NXPH4: variants seen among roughly 807,000 people sequenced by gnomAD.
NXPH4 encodes neurexophilin-4.
A neutral mutation model predicts 21.3 loss-of-function variants in NXPH4; 8 were observed. The ratio of observed to expected loss-of-function variants is 0.38; its 90% CI spans 0.22 to 0.68. NXPH4 has a LOEUF of 0.68. Among genes scored for constraint, NXPH4 ranks in the 30% least tolerant of loss-of-function variants. The pLI is 0.53. For missense variants in NXPH4, 418 were observed against 416.8 expected, an observed-to-expected ratio of 1.00 and a Z score of -0.03; for synonymous variants, 219 against 192.6, an observed-to-expected ratio of 1.14 and a Z score of -1.13.
At chr12:57,221,384 C>T (rs931189002) in intron 1 of NXPH4, 2 of 455,700 alleles carry the variant, frequency 4.4e-6, no homozygotes, top group East Asian at 6.9e-5. Context: ...GGAAAAGCAA[C>T]GGGCCAGCCT....
rs1336834943 is a variant in NXPH4, at chr12:57,225,492, G to A, written c.672G>A (p.Gly224=). 1 of 1,607,614 alleles carries A rather than the reference G, an allele frequency of 6.2e-7. No individual in the cohort carries two copies. The highest frequency in any genetic ancestry group is 1.1e-5 in the South Asian group (1 of 90,822). The change falls in exon 2 of 2, where the codon GGG becomes GGA. Residue 224 remains glycine, a synonymous_variant. Transcript: ENST00000349394. ...TTGGGGGCGCGTTGGGAGTGCCTGG[G>A]GCCAAAGAGTCACGCGCTTTCAATT... is the stretch of plus-strand genomic sequence containing the variant. The part of the protein sequence containing the change: ...GPLGGALGVP[G]AKESRAFNCH...
Position 57,225,605 on chromosome 12 carries a change from C to G in NXPH4, c.785C>G (p.Thr262Arg), listed in dbSNP as rs1465034883. ...DPSQVCFTEHTQSQAAWLCAK... is the reference protein window; with the variant it reads ...DPSQVCFTEHRQSQAAWLCAK... The stretch of plus-strand genomic sequence containing the variant: ...TCGCAGGTGTGCTTCACCGAGCACA[C>G]GCAGAGCCAGGCCGCCTGGCTCTGT... The change falls in exon 2 of 2, where the codon ACG becomes AGG. Residue 262 changes from threonine (T) to arginine (R), a missense_variant. Transcript: ENST00000349394. The G allele has an allele frequency of 1.9e-6, 3 of 1,613,440 alleles. No individual in the cohort carries two copies. The highest frequency in any genetic ancestry group is 2.5e-6 in the Non-Finnish European group (3 of 1,180,002).
chr12:57,218,609 G>A (rs1278554364), intron 1 of NXPH4, among the ~76,000 whole-genome samples: 1 of 152,226 alleles, frequency 6.6e-6, no homozygotes, highest in African/African-American at 2.4e-5. Context: ...TGAAACATCT[G>A]GTGGAGACTT....
chr12:57,220,975 A>G (rs541171545), intron 1 of NXPH4, among the ~76,000 whole-genome samples: 2 of 146,600 alleles, frequency 1.4e-5, no homozygotes, highest in East Asian at 2.0e-4. Flanking sequence ...TCTGTAGCCC[A>G]TCTTCATTTC....
At chr12:57,220,330 C>A (rs1666925985) in intron 1 of NXPH4, among the ~76,000 whole-genome samples, 1 of 152,244 alleles carries the variant, frequency 6.6e-6, no homozygotes, top group Non-Finnish European at 1.5e-5. Context: ...CTCCCCCCAA[C>A]CCCCACCGCG....
In NXPH4 at chr12:57,216,947, G is replaced by T. The variant is rs747216888; in HGVS notation, c.-23G>T. On this transcript the variant is annotated 5_prime_UTR_variant, in exon 1 of 2. Coordinates refer to ENST00000349394, the MANE Select transcript of NXPH4 (RefSeq NM_007224.4). The surrounding 1 kb of genome is among the most constrained non-coding windows in gnomAD (Gnocchi z 5.3). ...CGCCTGCCCGAGACCCGCCCAGCCT[G>T]CCCCGCTCAGCCGCCAGAGAAGATG... The T allele has an allele frequency of 2.5e-6, 4 of 1,574,524 alleles. No homozygotes were observed. In the Admixed American group the frequency reaches 7.1e-5, roughly 28 times the overall value.
chr12:57,222,990 G>A (rs2037106517), intron 1 of NXPH4, among the ~76,000 whole-genome samples: 2 of 152,162 alleles, frequency 1.3e-5, no homozygotes, highest in African/African-American at 4.8e-5. Context: ...GTGACACTGT[G>A]TGTGTACACA....
rs751232851 is a variant in NXPH4, at chr12:57,225,459, G to A, written c.639G>A (p.Ala213=). 6.3e-7 allele frequency: 1 copy of A among 1,598,302 alleles called. No homozygotes were observed. The highest frequency in any genetic ancestry group is 1.7e-5 in the Admixed American group (1 of 58,460). The change falls in exon 2 of 2, where the codon GCG becomes GCA. Residue 213 remains alanine, a synonymous_variant. Transcript: ENST00000349394. ...GLGGSLGGAL[A]GPLGGALGVP... is the part of the protein sequence containing the mutation. Reference sequence around the variant, plus strand: ...GGGGCTCCCTCGGGGGCGCACTGGCGGGGCCGCTTGGGGGCGCGTTGGGAG... The same window carrying A: ...GGGGCTCCCTCGGGGGCGCACTGGCAGGGCCGCTTGGGGGCGCGTTGGGAG...
intron 1 of NXPH4, chr12:57,221,395 G>A (rs572739905): frequency 4.4e-6 from 2 of 455,386 alleles, no homozygotes; most frequent in African/African-American, 4.0e-5. Context: ...GGGCCAGCCT[G>A]GAGGCCCAGG....
Position 57,223,715 on chromosome 12 carries a change from A to G in NXPH4, c.58-1163A>G, listed in dbSNP as rs137970471. 1.9e-3 allele frequency among the ~76,000 whole-genome samples: 289 copies of G among 151,438 alleles called. 5 individuals carry two copies. The East Asian group carries it at 0.047, about 24-fold the overall frequency. ...CCCCTCGCTGGAGCGGCATCTCCAT[A>G]TTTCTTCCTCTTGCTTCCTGTCTCC... On this transcript the variant is annotated intron_variant, in intron 1 of 1. Coordinates refer to ENST00000349394, the MANE Select transcript of NXPH4 (RefSeq NM_007224.4).
intron 1 of NXPH4, among the ~76,000 whole-genome samples, chr12:57,224,515 TG>T (rs1482672066): frequency 1.3e-5 from 2 of 152,216 alleles, no homozygotes; most frequent in African/African-American, 4.8e-5. Flanking sequence ...GGCTCATTAC[TG>T]GAACCAACCA....
rs1449030827 is a variant in NXPH4 at position 57,225,437 on chromosome 12, G to C, written c.617G>C (p.Gly206Ala). 1 of 1,603,574 alleles carries C rather than the reference G, an allele frequency of 6.2e-7. No homozygotes were observed. The highest frequency in any genetic ancestry group is 8.5e-7 in the Non-Finnish European group (1 of 1,177,698). ...GCAGCGGCGGGGCCCGGGCTTGGGG[G>C]CTCCCTCGGGGGCGCACTGGCGGGG... ...AAAAAGPGLGGSLGGALAGPL... is the reference protein window; with the variant it reads ...AAAAAGPGLGASLGGALAGPL... The change falls in exon 2 of 2, where the codon GGC becomes GCC. Residue 206 changes from glycine to alanine, a missense_variant. By Grantham distance (60) the Gly-to-Ala change is moderately conservative (BLOSUM62 0). Transcript: ENST00000349394.
intron 1 of NXPH4, among the ~76,000 whole-genome samples, chr12:57,223,453 T>C (rs2037111229): frequency 1.3e-5 from 2 of 151,480 alleles, no homozygotes; most frequent in Non-Finnish European, 2.9e-5. Context: ...CTCCTCAGAC[T>C]CATAACCATG....
chr12:57,226,109 C>T lies in NXPH4; in HGVS notation c.*362C>T, dbSNP rs966195194. The T allele has an allele frequency of 1.7e-5, 8 of 484,198 alleles. No homozygotes were observed. The highest frequency in any genetic ancestry group is 6.3e-5 in the East Asian group (2 of 31,862). The allele number at this position is 484,198 out of a possible 1,614,324, so 30.0% of individuals were successfully genotyped here. ...TCCCCGCAGCTTTAATAACTCCTGG[C>T]CTGGCACCCTCACCCCACCCTGACT... On this transcript the variant is annotated 3_prime_UTR_variant, in exon 2 of 2. Transcript: ENST00000349394.
At chr12:57,219,289 C>T (rs2136766949) in intron 1 of NXPH4, among the ~76,000 whole-genome samples, 1 of 152,264 alleles carries the variant, frequency 6.6e-6, no homozygotes, top group African/African-American at 2.4e-5. Flanking sequence ...GCCTGGGACT[C>T]CTGGCTTCCA....
At chr12:57,221,033 C>CA (rs2037086497) in intron 1 of NXPH4, among the ~76,000 whole-genome samples, 1 of 152,108 alleles carries the variant, frequency 6.6e-6, no homozygotes, top group African/African-American at 2.4e-5. Flanking sequence ...CACGCCTGGC[C>CA]ACCATTTCTA....
chr12:57,221,856 C>T (rs922406456), intron 1 of NXPH4, among the ~76,000 whole-genome samples: 4 of 152,180 alleles, frequency 2.6e-5, no homozygotes, highest in Admixed American at 2.0e-4. Context: ...TCCCCCACCT[C>T]CCCCCATGTT....
At chr12:57,221,570 T>C (rs1165775958) in intron 1 of NXPH4, 3 of 338,806 alleles carry the variant, frequency 8.9e-6, no homozygotes, top group African/African-American at 6.5e-5. Flanking sequence ...GCCTCGGGGG[T>C]AAAGCCCTCC....
intron 1 of NXPH4, among the ~76,000 whole-genome samples, chr12:57,223,922 C>G (rs769079346): frequency 6.6e-6 from 1 of 152,098 alleles, no homozygotes; most frequent in Non-Finnish European, 1.5e-5. Flanking sequence ...CCCTTGGAGC[C>G]CAGGAAAAGA....
Sources: allele counts gnomAD v4.1 joint callset (sites outside exome capture counted in the v4.1 genomes callset), GRCh38; gene constraint gnomAD v4.1.1; non-coding constraint Gnocchi (gnomAD v3.1); transcripts MANE v1.5; gene names NCBI Gene and HGNC (gene_info 2026-07-23, HGNC 2026-07-21).